NAA16: variants seen among roughly 807,000 people sequenced by gnomAD.
The protein encoded by NAA16 is NARG1-like protein.
In NAA16, 97 loss-of-function variants were observed where a neutral mutation model predicts 110.3. The ratio of observed to expected loss-of-function variants is 0.88; its 90% CI spans 0.75 to 1.04. NAA16 has a LOEUF of 1.04. Among genes scored for constraint, NAA16 ranks in the 50% least tolerant of loss-of-function variants. The probability of loss-of-function intolerance (pLI) is 0.00; values close to 1 mark genes in which losing one functional copy is unlikely to be tolerated. For missense variants in NAA16, 1,017 were observed against 1,005.1 expected, an observed-to-expected ratio of 1.01 and a Z score of -0.16; for synonymous variants, 372 against 330.6, an observed-to-expected ratio of 1.13 and a Z score of -1.36.
At chr13:41,345,813 A>G (rs895992118) in intron 9 of NAA16, among the ~76,000 whole-genome samples, 3 of 152,202 alleles carry the variant, frequency 2.0e-5, no homozygotes, top group Non-Finnish European at 4.4e-5. Context: ...GACTCAAGCA[A>G]TCTGTTCGCC....
chr13:41,348,746 G>A (rs910012021), intron 9 of NAA16, among the ~76,000 whole-genome samples: 1 of 152,110 alleles, frequency 6.6e-6, no homozygotes, highest in South Asian at 2.1e-4. Context: ...ATGTGTGGTA[G>A]AACTTACCAT....
chr13:41,324,328 A>G (rs577070485), intron 5 of NAA16, among the ~76,000 whole-genome samples: 5 of 135,144 alleles, frequency 3.7e-5, no homozygotes, highest in Admixed American at 2.2e-4. Flanking sequence ...TGACATTTTG[A>G]TGGTTAGATT....
rs984221820 is a variant in NAA16 at position 41,348,982 on chromosome 13, C to T, written c.1015-6162C>T. Among the ~76,000 whole-genome samples the T allele has an allele frequency of 2.6e-5, 4 of 152,134 alleles. No homozygotes were observed. The East Asian group carries it at 7.7e-4, about 29-fold the overall frequency. The stretch of plus-strand genomic sequence containing the variant: ...AAGTCAGTGGTAATATCCCCTCTTA[C>T]TGTTTTTGGTTTTAATATTTTGAGT... On this transcript the variant is annotated intron_variant, in intron 9 of 19. Transcript: ENST00000379406.
chr13:41,337,323 C>T (rs149940565), intron 9 of NAA16, among the ~76,000 whole-genome samples: 46 of 152,136 alleles, frequency 3.0e-4, no homozygotes, highest in South Asian at 8.3e-4. Context: ...GTAGGCAGAT[C>T]GCGAGGTCAG....
intron 17 of NAA16, 91 bp from the exon 18 acceptor site, chr13:41,373,546 C>CCG: frequency 7.1e-7 from 1 of 1,400,322 alleles, no homozygotes; most frequent in South Asian, 1.5e-5. Context: ...GCGTGAGCCA[C>CCG]CGCGCCCAGC....
Position 41,364,605 on chromosome 13 carries a change from C to T in NAA16, c.1539+2446C>T, listed in dbSNP as rs534518601. ...TCCATTTTTTTCTTTTACTATTAGA[C>T]TGCTGGTGATTGGATTATCATTATT... On this transcript the variant is annotated intron_variant, in intron 13 of 19. Coordinates refer to ENST00000379406, the MANE Select transcript of NAA16 (RefSeq NM_024561.5). Among the ~76,000 whole-genome samples the T allele has an allele frequency of 4.6e-5, 7 of 151,988 alleles. No individual in the cohort carries two copies. The East Asian group carries it at 1.3e-3, about 29-fold the overall frequency.
intron 8 of NAA16, among the ~76,000 whole-genome samples, chr13:41,332,288 G>A (rs1363779196): frequency 6.6e-6 from 1 of 152,084 alleles, no homozygotes; most frequent in African/African-American, 2.4e-5. Context: ...CCACTTTCCC[G>A]AGTTTTGCTT....
chr13:41,375,682 A>G lies in NAA16; in HGVS notation c.*80A>G. The G allele has an allele frequency of 1.9e-6, 2 of 1,039,944 alleles. No individual in the cohort carries two copies. Among genetic ancestry groups the G allele is most frequent in the Non-Finnish European group, 2.8e-6 (2 of 718,008 alleles). 64.4% of individuals were successfully genotyped at this position (1,039,944 alleles called of 1,614,324 possible). On this transcript the variant is annotated 3_prime_UTR_variant, in exon 20 of 20. Transcript: ENST00000379406. Reference sequence around the variant, plus strand: ...TCTTTTCCAGGGTGCATTTTAATATACGTATGAAATGAAATATTTGGTTAG... The same window carrying G: ...TCTTTTCCAGGGTGCATTTTAATATGCGTATGAAATGAAATATTTGGTTAG...
chr13:41,353,899 C>T (rs2042910411), intron 9 of NAA16, among the ~76,000 whole-genome samples: 1 of 152,088 alleles, frequency 6.6e-6, no homozygotes, highest in African/African-American at 2.4e-5. Context: ...ATAACACTTT[C>T]AGAACCATTG....
chr13:41,324,895 A>G (rs1162472739), intron 5 of NAA16, among the ~76,000 whole-genome samples: 1 of 151,040 alleles, frequency 6.6e-6, no homozygotes, highest in Non-Finnish European at 1.5e-5. Flanking sequence ...TTTTTTTAAG[A>G]CATAATGCTG....
rs552574982 is a variant in NAA16 at position 41,361,240 on chromosome 13, C to G, written c.1411-791C>G. ...TCAGTTATTTGGTTTTGTCAGCCCA[C>G]TGCAAAGGAGAAATATTAAAGTAGA... On this transcript the variant is annotated intron_variant, in intron 12 of 19. Coordinates refer to ENST00000379406, the MANE Select transcript of NAA16 (RefSeq NM_024561.5). Among the ~76,000 whole-genome samples the G allele has an allele frequency of 2.6e-5, 4 of 152,194 alleles. No homozygotes were observed. In the South Asian group the frequency reaches 8.3e-4, roughly 31 times the overall value.
In NAA16 at chr13:41,373,684, CAAG is replaced by C. The variant is rs748420285; in HGVS notation, c.2206_2208del (p.Glu736del). The stretch of plus-strand genomic sequence containing the variant: ...AGACATTGTGAGCAAAGTTCTATCT[CAAG>C]AAATGCAGAAAATATTTGTCAAAAA... On this transcript the variant is annotated inframe_deletion, in exon 18 of 20. Transcript: ENST00000379406. 6.2e-7 allele frequency: 1 copy of C among 1,610,390 alleles called. No individual in the cohort carries two copies. Among genetic ancestry groups the C allele is most frequent in the Non-Finnish European group, 8.5e-7 (1 of 1,178,626 alleles).
rs2043413611 is a variant in NAA16 at position 41,375,576 on chromosome 13, T to G, written c.2569T>G (p.Tyr857Asp). 5 of 1,613,462 alleles carry G rather than the reference T, an allele frequency of 3.1e-6. No homozygotes were observed. Among genetic ancestry groups the G allele is most frequent in the Non-Finnish European group, 3.4e-6 (4 of 1,179,610 alleles). ...TGTGGCACTGAACCATACAGCTAAT[T>G]ATGATGTCTTGGCAAATGAAATTTG... ...PNVALNHTAN[Y>D]DVLANEI The change falls in exon 20 of 20, where the codon TAT becomes GAT. Residue 857 changes from tyrosine to aspartate, a missense_variant. By Grantham distance (160) the Tyr-to-Asp change is radical. Coordinates refer to ENST00000379406, the MANE Select transcript of NAA16 (RefSeq NM_024561.5).
chr13:41,336,031 T>C (rs1240538369), intron 8 of NAA16, among the ~76,000 whole-genome samples: 5 of 152,198 alleles, frequency 3.3e-5, no homozygotes, highest in East Asian at 1.9e-4. Flanking sequence ...GAAAGAATTA[T>C]TGACTTGATG....
chr13:41,357,036 G>A (rs1030413829), intron 10 of NAA16, among the ~76,000 whole-genome samples: 1 of 152,202 alleles, frequency 6.6e-6, no homozygotes, highest in Non-Finnish European at 1.5e-5. Context: ...CCATGACGGC[G>A]TGGGGGCACG....
At chr13:41,311,802 G>C (rs947182653) in intron 1 of NAA16, among the ~76,000 whole-genome samples, 1 of 152,150 alleles carries the variant, frequency 6.6e-6, no homozygotes, top group Non-Finnish European at 1.5e-5. Flanking sequence ...GGTCTTCTGC[G>C]GCTCGCCTCA....
intron 8 of NAA16, among the ~76,000 whole-genome samples, chr13:41,331,936 A>G (rs1229321893): frequency 6.6e-6 from 1 of 152,192 alleles, no homozygotes; most frequent in African/African-American, 2.4e-5. Flanking sequence ...GTATTGGTAG[A>G]AAAACTGCTT....
intron 12 of NAA16, 130 bp downstream of exon 12, chr13:41,359,092 A>T (rs113107122): frequency 1.7e-3 from 7 of 4,194 alleles, no homozygotes; most frequent in Non-Finnish European, 1.8e-3. Flanking sequence ...ATTGTTTTTT[A>T]AAATCCCATT....
chr13:41,318,412 G>A (rs561718006), intron 2 of NAA16, among the ~76,000 whole-genome samples: 1 of 152,158 alleles, frequency 6.6e-6, no homozygotes. Flanking sequence ...GTGTTGGCCA[G>A]GCTGGTCTCG....
Sources: gnomAD v4.1 joint callset for allele counts (sites outside exome capture counted in the v4.1 genomes callset) on GRCh38, gnomAD v4.1.1 for gene constraint, MANE v1.5 for transcripts, NCBI Gene and HGNC (gene_info 2026-07-23, HGNC 2026-07-21) for gene names.